CNTN1: variants seen among roughly 807,000 people sequenced by gnomAD.
CNTN1 encodes the protein contactin 1.
CNTN1 carries 38 observed loss-of-function variants against 126.4 expected under a neutral mutation model. That is an observed-to-expected ratio of 0.30 (90% CI 0.23 to 0.39). The LOEUF (loss-of-function observed/expected upper bound fraction) is 0.39, where lower values mean the gene tolerates loss of function less well. Among genes scored for constraint, CNTN1 ranks in the 10% least tolerant of loss-of-function variants. The pLI is 1.00. For missense variants in CNTN1, 1,009 were observed against 1,248.4 expected (o/e 0.81, Z 2.89); for synonymous variants, 413 against 422.6 (o/e 0.98, Z 0.28).
At chr12:40,827,226 A>T (rs1941643586) in intron 1 of CNTN1, among the ~76,000 whole-genome samples, 2 of 152,110 alleles carry the variant, frequency 1.3e-5, no homozygotes, top group Non-Finnish European at 1.5e-5. Flanking sequence ...TTAGAAGCTT[A>T]AATTCTAAGA....
chr12:40,707,056 A>AGTG lies in CNTN1; in HGVS notation c.-77+14464_-77+14465insGTG, dbSNP rs1565625962. ...CGCGCGCGCGCTTGCGCACACACACACACACACACACACACACACACACAC... is the reference window on the plus strand; with the variant it reads ...CGCGCGCGCGCTTGCGCACACACACAGTGCACACACACACACACACACACACAC... On this transcript the variant is annotated intron_variant, in intron 1 of 23. Transcript: ENST00000551295. Among the ~76,000 whole-genome samples, 78 of 56,474 alleles carry AGTG rather than the reference A, an allele frequency of 1.4e-3. No individual in the cohort carries two copies. In the East Asian group the frequency reaches 0.04, roughly 29 times the overall value. The allele number at this position is 56,474 out of a possible 152,430, so 37.0% of individuals were successfully genotyped here. A position where few individuals can be genotyped will look rare whatever the true frequency, so the allele number is the denominator to read the frequency against.
intron 1 of CNTN1, among the ~76,000 whole-genome samples, chr12:40,741,498 T>A (rs1565672402): frequency 1.3e-5 from 2 of 152,094 alleles, no homozygotes; most frequent in Non-Finnish European, 2.9e-5. Flanking sequence ...TGGGTTTAAT[T>A]AGAAATAATC....
chr12:41,042,548 G>A (rs542244303), intron 23 of CNTN1, among the ~76,000 whole-genome samples: 72 of 152,140 alleles, frequency 4.7e-4, no homozygotes, highest in Admixed American at 3.3e-3. Flanking sequence ...TTGTGTGGGA[G>A]TCTAAGTCTC....
chr12:40,890,557 TG>T (rs777996313), intron 1 of CNTN1, among the ~76,000 whole-genome samples: 77 of 152,216 alleles, frequency 5.1e-4, no homozygotes, highest in Non-Finnish European at 9.8e-4. Context: ...TTACTGTCTC[TG>T]TGGTGTTGCC....
At chr12:40,810,066 T>C (rs1940999801) in intron 1 of CNTN1, among the ~76,000 whole-genome samples, 1 of 152,102 alleles carries the variant, frequency 6.6e-6, no homozygotes, top group Non-Finnish European at 1.5e-5. Context: ...TTTTAAAAAA[T>C]ATATGCAAAA....
At chr12:40,718,669 C>T (rs1942111823) in intron 1 of CNTN1, among the ~76,000 whole-genome samples, 1 of 152,108 alleles carries the variant, frequency 6.6e-6, no homozygotes, top group Non-Finnish European at 1.5e-5. Context: ...TAAATAGAGT[C>T]CTCACATGGC....
chr12:40,942,918 T>C (rs1044780492), intron 12 of CNTN1, among the ~76,000 whole-genome samples: 12 of 152,134 alleles, frequency 7.9e-5, no homozygotes, highest in Non-Finnish European at 1.6e-4. Context: ...TTGCATGTTT[T>C]GTGCAAACTT....
At chr12:40,986,780 C>T (rs1947965086) in intron 16 of CNTN1, among the ~76,000 whole-genome samples, 1 of 152,086 alleles carries the variant, frequency 6.6e-6, no homozygotes, top group African/African-American at 2.4e-5. Context: ...TTTTGTTCTG[C>T]CCCAAAACTT....
chr12:40,813,058 TCTTCCTTCCTTCCTTCCTTCCTTCCTTC>T (rs1208093195), intron 1 of CNTN1, among the ~76,000 whole-genome samples: 15 of 104,790 alleles, frequency 1.4e-4, no homozygotes, highest in South Asian at 3.5e-4. Context: ...TTTCTTTCTT[TCTTCCTTCCTTCCTTCCTTCCTTCCTTC>T]CTTTCTTTCT....
At chr12:40,729,782 T>G (rs992626280) in intron 1 of CNTN1, 11 of 212,004 alleles carry the variant, frequency 5.2e-5, no homozygotes, top group African/African-American at 2.1e-4. Flanking sequence ...GCCAGAAGGT[T>G]GGACTGCAGT....
intron 1 of CNTN1, among the ~76,000 whole-genome samples, chr12:40,745,608 A>C (rs971551945): frequency 1.3e-5 from 2 of 152,134 alleles, no homozygotes; most frequent in Admixed American, 6.6e-5. Flanking sequence ...CTTCAGAGAG[A>C]ATAGAATGTG....
chr12:40,842,952 T>G (rs564365948), intron 1 of CNTN1, among the ~76,000 whole-genome samples: 1 of 152,134 alleles, frequency 6.6e-6, no homozygotes, highest in African/African-American at 2.4e-5. Context: ...GGGGATTTTA[T>G]GCAATGATAT....
In CNTN1 at chr12:40,714,938, A is replaced by G. The variant is rs181185429; in HGVS notation, c.-77+22346A>G. ...CTTTAGACAAGAACTTCAAGTCCTC[A>G]TGGTCATTCTGCAGTGGATTGAAAA... On this transcript the variant is annotated intron_variant, in intron 1 of 23. Coordinates refer to ENST00000551295, the MANE Select transcript of CNTN1 (RefSeq NM_001843.4). Among the ~76,000 whole-genome samples, 23 of 152,262 alleles carry G rather than the reference A, an allele frequency of 1.5e-4. No individual in the cohort carries two copies. In the East Asian group the frequency reaches 3.3e-3, roughly 22 times the overall value.
chr12:41,051,446 C>A (rs940586175), intron 23 of CNTN1, among the ~76,000 whole-genome samples: 21 of 151,926 alleles, frequency 1.4e-4, no homozygotes, highest in African/African-American at 4.8e-4. Flanking sequence ...CCACCGCACC[C>A]AGCCTGTTTT....
chr12:41,016,182 A>G lies in CNTN1; in HGVS notation c.2185-500A>G, dbSNP rs996493109. Among the ~76,000 whole-genome samples the G allele has an allele frequency of 2.0e-5, 3 of 152,320 alleles. No homozygotes were observed. In the East Asian group the frequency reaches 5.8e-4, roughly 29 times the overall value. The stretch of plus-strand genomic sequence containing the variant: ...TAAAGAGGAAAACAAAACTGACAAA[A>G]ACGCTGCATTCATAAAACGTGTATT... On this transcript the variant is annotated intron_variant, in intron 18 of 23. Coordinates refer to ENST00000551295, the MANE Select transcript of CNTN1 (RefSeq NM_001843.4).
At chr12:41,038,794 T>C (rs1298338111) in intron 23 of CNTN1, among the ~76,000 whole-genome samples, 2 of 151,998 alleles carry the variant, frequency 1.3e-5, no homozygotes, top group African/African-American at 4.8e-5. Context: ...AGTGATAGTA[T>C]CTGAAGGTAG....
rs537423293 is a variant in CNTN1, at chr12:40,869,081, A to G, written c.-76-39276A>G. 3.3e-5 allele frequency among the ~76,000 whole-genome samples: 5 copies of G among 151,976 alleles called. No homozygotes were observed. In the South Asian group the frequency reaches 6.2e-4, roughly 19 times the overall value. Reference sequence around the variant, plus strand: ...TATGATTAAATTTCTATTAATTTTGAATAAAATGCTACATTAAGGAATGAA... The same window carrying G: ...TATGATTAAATTTCTATTAATTTTGGATAAAATGCTACATTAAGGAATGAA... On this transcript the variant is annotated intron_variant, in intron 1 of 23. Transcript: ENST00000551295.
intron 1 of CNTN1, among the ~76,000 whole-genome samples, chr12:40,697,468 G>T (rs539907840): frequency 1.3e-5 from 2 of 152,102 alleles, no homozygotes; most frequent in Non-Finnish European, 2.9e-5. Context: ...GAAATCTGAG[G>T]TATACTGCAA....
intron 2 of CNTN1, 41 bp downstream of exon 2, chr12:40,908,534 A>C (rs1944918259): frequency 4.3e-6 from 6 of 1,387,816 alleles, no homozygotes; most frequent in Non-Finnish European, 6.1e-6. Context: ...TATTATGTCA[A>C]CATAATTGAT....
Sources: gnomAD v4.1 joint callset for allele counts (sites outside exome capture counted in the v4.1 genomes callset) on GRCh38, gnomAD v4.1.1 for gene constraint, MANE v1.5 for transcripts, NCBI Gene and HGNC (gene_info 2026-07-23, HGNC 2026-07-21) for gene names.